ABCA1: variants seen among roughly 807,000 people sequenced by gnomAD.
The protein encoded by ABCA1 is ATP binding cassette subfamily A member 1, also known as phospholipid-transporting ATPase ABCA1.
ABCA1 carries 133 observed loss-of-function variants against 262.5 expected under a neutral mutation model. The observed-to-expected ratio is 0.51, with a 90% CI of 0.44 to 0.59. ABCA1 has a LOEUF of 0.59. Among genes scored for constraint, ABCA1 ranks in the 20% least tolerant of loss-of-function variants. The probability of loss-of-function intolerance (pLI) is 0.00; values close to 1 mark genes in which losing one functional copy is unlikely to be tolerated. For synonymous variants in ABCA1, 1,022 were observed against 1,043.5 expected, an observed-to-expected ratio of 0.98 and a Z score of 0.40; for missense variants, 2,452 against 2,777.5, an observed-to-expected ratio of 0.88 and a Z score of 2.63.
intron 31 of ABCA1, 77 bp from the exon 32 acceptor site, chr9:104,804,797 T>A: frequency 7.9e-7 from 1 of 1,258,370 alleles, no homozygotes; most frequent in Non-Finnish European, 1.2e-6. Flanking sequence ...AGGACAACAG[T>A]GACCATGTCC....
At chr9:104,839,660 CAAAT>C (rs148816962) in intron 9 of ABCA1, among the ~76,000 whole-genome samples, 44,702 of 151,708 alleles carry the variant, frequency 0.29, 7,570 homozygotes, top group East Asian at 0.76. Context: ...TTACAACTGA[CAAAT>C]AAAAATTGTA....
At chr9:104,788,732 T>A (rs1461828876) in intron 44 of ABCA1, among the ~76,000 whole-genome samples, 165 bp from the exon 45 acceptor site, 1 of 152,232 alleles carries the variant, frequency 6.6e-6, no homozygotes, top group East Asian at 1.9e-4. Flanking sequence ...TGCTAGCTCT[T>A]CCTGGCAGGC....
chr9:104,830,855 A>T (rs1833235101), intron 14 of ABCA1, 70 bp downstream of exon 14: 1 of 1,547,230 alleles, frequency 6.5e-7, no homozygotes, highest in Admixed American at 1.7e-5. Flanking sequence ...ATGCACATGC[A>T]CACACATATA....
At chr9:104,801,648 T>C (rs1830349467) in intron 34 of ABCA1, among the ~76,000 whole-genome samples, 4 of 152,120 alleles carry the variant, frequency 2.6e-5, no homozygotes. Context: ...TTCAAGCAAT[T>C]CTCCTGCCTC....
At chr9:104,853,142 A>G (rs1835524199) in intron 7 of ABCA1, among the ~76,000 whole-genome samples, 1 of 152,154 alleles carries the variant, frequency 6.6e-6, no homozygotes, top group Non-Finnish European at 1.5e-5. Flanking sequence ...ACCAAGATCC[A>G]CTTGGTGGGA....
chr9:104,815,628 T>A (rs1564119206), intron 25 of ABCA1, among the ~76,000 whole-genome samples: 1 of 152,110 alleles, frequency 6.6e-6, no homozygotes, highest in Non-Finnish European at 1.5e-5. Flanking sequence ...AAAACAAATC[T>A]CAGCACCTGG....
intron 22 of ABCA1, 93 bp from the exon 23 acceptor site, chr9:104,818,976 T>A: frequency 7.9e-7 from 1 of 1,266,254 alleles, no homozygotes; most frequent in East Asian, 2.5e-5. Context: ...TTAGCAGGGG[T>A]AAGCACTGGA....
At position 104,915,819 on chromosome 9, in the gene ABCA1, C is replaced by T. The variant is rs111455151; in HGVS notation, c.-92-12048G>A. Among the ~76,000 whole-genome samples, 126 of 152,218 alleles carry T rather than the reference C, an allele frequency of 8.3e-4. 1 individual carries two copies. The highest frequency in any genetic ancestry group is 3.0e-3 in the African/African-American group (124 of 41,524). On this transcript the variant is annotated intron_variant, in intron 1 of 49. Coordinates refer to ENST00000374736, the MANE Select transcript of ABCA1 (RefSeq NM_005502.4). The stretch of plus-strand genomic sequence containing the variant: ...CAATCCAATCCCCCAAGCAACAACG[C>T]GCTAAGTGTTTACATCAGGTGAGAG...
chr9:104,831,239 TGGAG>T, intron 13 of ABCA1, 138 bp from the exon 14 acceptor site: 1 of 911,600 alleles, frequency 1.1e-6, no homozygotes, highest in Non-Finnish European at 1.6e-6. Flanking sequence ...TTTTTTGAGA[TGGAG>T]TTTCACTCTT....
Position 104,783,972 on chromosome 9 carries a change from C to A in ABCA1, c.*343G>T. ...TTACTTGATGAATTATTGTTGCAAC[C>A]CCAATGAGAATACACAGGAACAAAA... On this transcript the variant is annotated 3_prime_UTR_variant, in exon 50 of 50. Coordinates refer to ENST00000374736, the MANE Select transcript of ABCA1 (RefSeq NM_005502.4). 4.6e-6 allele frequency: 1 copy of A among 215,636 alleles called. No individual in the cohort carries two copies. The highest frequency in any genetic ancestry group is 1.1e-4 in the East Asian group (1 of 9,292). 13.4% of individuals were successfully genotyped at this position (215,636 alleles called of 1,614,324 possible).
At position 104,828,903 on chromosome 9, in the gene ABCA1, G is replaced by A. The variant is rs1564143149; in HGVS notation, c.2115+13C>T. ...AGTTTCCTGGCAGGGAAGAGCGAGT[G>A]AGGCTGCCTTACCTTCAGGATGACC... On this transcript the variant is annotated intron_variant, in intron 15 of 49. Transcript: ENST00000374736. The A allele has an allele frequency of 6.2e-7, 1 of 1,613,494 alleles. No homozygotes were observed. Among genetic ancestry groups the A allele is most frequent in the Non-Finnish European group, 8.5e-7 (1 of 1,179,554 alleles).
At chr9:104,834,219 C>T (rs1306974905) in intron 11 of ABCA1, among the ~76,000 whole-genome samples, 2 of 149,578 alleles carry the variant, frequency 1.3e-5, no homozygotes, top group African/African-American at 4.9e-5. Flanking sequence ...CTCACAATAA[C>T]AATATAGCAA....
At chr9:104,879,562 T>C (rs1838448415) in intron 5 of ABCA1, among the ~76,000 whole-genome samples, 1 of 152,178 alleles carries the variant, frequency 6.6e-6, no homozygotes, top group Non-Finnish European at 1.5e-5. Context: ...ATAGGGAATC[T>C]AAACATGTAA....
Position 104,794,530 on chromosome 9 carries a change from A to AC in ABCA1, c.5383-21_5383-20insG. On this transcript the variant is annotated intron_variant, in intron 39 of 49. Coordinates refer to ENST00000374736, the MANE Select transcript of ABCA1 (RefSeq NM_005502.4). Reference sequence around the variant, plus strand: ...CAGCTTCTAAAAAAAAAAAAAAAAAATGGGAGGGAAGGGAGGGTGAGGGAG... The same window carrying AC: ...CAGCTTCTAAAAAAAAAAAAAAAAAACTGGGAGGGAAGGGAGGGTGAGGGAG... 6.4e-7 allele frequency: 1 copy of AC among 1,567,698 alleles called. No individual in the cohort carries two copies. Among genetic ancestry groups the AC allele is most frequent in the Non-Finnish European group, 8.7e-7 (1 of 1,149,566 alleles).
rs959969882 is a variant in ABCA1 at position 104,822,726 on chromosome 9, A to G, written c.2657-59T>C. ...AGAAAGCACTGAGGAGTGGAGTGTA[A>G]GGACACAGGGCACTGCGCTTGAACT... On this transcript the variant is annotated intron_variant, in intron 18 of 49. Coordinates refer to ENST00000374736, the MANE Select transcript of ABCA1 (RefSeq NM_005502.4). 4.4e-6 allele frequency: 7 copies of G among 1,596,058 alleles called. No individual in the cohort carries two copies. The South Asian group carries it at 6.6e-5, about 15-fold the overall frequency.
chr9:104,879,691 C>T (rs1167067917), intron 5 of ABCA1, among the ~76,000 whole-genome samples: 1 of 152,202 alleles, frequency 6.6e-6, no homozygotes, highest in African/African-American at 2.4e-5. Flanking sequence ...TTTGAGTGCA[C>T]ATGGAATATG....
chr9:104,911,423 T>C (rs1029478302), intron 1 of ABCA1, among the ~76,000 whole-genome samples: 1 of 152,214 alleles, frequency 6.6e-6, no homozygotes, highest in African/African-American at 2.4e-5. Flanking sequence ...ACAAGGTTAC[T>C]GAAGGCCAAG....
rs544660999 is a variant in ABCA1 at position 104,891,079 on chromosome 9, C to G, written c.67-1884G>C. Among the ~76,000 whole-genome samples the G allele has an allele frequency of 2.0e-5, 3 of 152,244 alleles. No homozygotes were observed. In the South Asian group the frequency reaches 6.2e-4, roughly 32 times the overall value. ...ATAAAATATAATCTTAAAACATGTC[C>G]TGTAATGTCTACTTGATATTCCACT... On this transcript the variant is annotated intron_variant, in intron 2 of 49. Coordinates refer to ENST00000374736, the MANE Select transcript of ABCA1 (RefSeq NM_005502.4).
chr9:104,880,376 T>C (rs1347610332), intron 5 of ABCA1, among the ~76,000 whole-genome samples: 1 of 152,070 alleles, frequency 6.6e-6, no homozygotes, highest in Non-Finnish European at 1.5e-5. Flanking sequence ...GGCTCATGCC[T>C]GTCATCCCAG....
Sources: allele counts gnomAD v4.1 joint callset (sites outside exome capture counted in the v4.1 genomes callset), GRCh38; gene constraint gnomAD v4.1.1; transcripts MANE v1.5; gene names NCBI Gene and HGNC (gene_info 2026-07-23, HGNC 2026-07-21).